DPP10: variants seen among roughly 807,000 people sequenced by gnomAD.
DPP10 encodes the protein inactive dipeptidyl peptidase 10.
Under a neutral mutation model 120.9 loss-of-function variants are expected in DPP10, and 33 were observed. The ratio of observed to expected loss-of-function variants is 0.27; its 90% confidence interval spans 0.21 to 0.37. The LOEUF is 0.37. DPP10 is among the 10% of genes least tolerant of loss of function. The probability of loss-of-function intolerance (pLI) is 1.00; values close to 1 mark genes in which losing one functional copy is unlikely to be tolerated. For synonymous variants in DPP10, 337 were observed against 326.1 expected (o/e 1.03, Z -0.36); for missense variants, 816 against 942.8 (o/e 0.87, Z 1.76).
intron 9 of DPP10, among the ~76,000 whole-genome samples, chr2:115,742,351 C>T (rs1677388092): frequency 1.3e-5 from 2 of 152,158 alleles, no homozygotes; most frequent in African/African-American, 4.8e-5. Context: ...GCTCCATTTA[C>T]TCCTAATGAC....
intron 24 of DPP10, 53 bp from the exon 25 acceptor site, chr2:115,840,697 G>T (rs2150136280): frequency 1.3e-6 from 2 of 1,513,924 alleles, no homozygotes; most frequent in South Asian, 1.1e-5. Context: ...ATATGAAAAA[G>T]TTCTCATACA....
At chr2:115,002,876 A>G (rs940390105) in intron 1 of DPP10, among the ~76,000 whole-genome samples, 6 of 152,018 alleles carry the variant, frequency 3.9e-5, no homozygotes, top group Admixed American at 3.9e-4. Flanking sequence ...TGCTGGTGAT[A>G]TTACAGAGGA....
At chr2:115,344,344 T>C (rs2063607826) in intron 3 of DPP10, among the ~76,000 whole-genome samples, 1 of 152,150 alleles carries the variant, frequency 6.6e-6, no homozygotes. Flanking sequence ...TTACATGACT[T>C]TAAGGATGTA....
At chr2:115,593,850 T>C (rs2082830005) in intron 5 of DPP10, among the ~76,000 whole-genome samples, 2 of 152,212 alleles carry the variant, frequency 1.3e-5, no homozygotes, top group Non-Finnish European at 2.9e-5. Flanking sequence ...GGAATCATTG[T>C]TCATATAGGC....
chr2:115,310,814 C>T (rs1175595935), intron 2 of DPP10, among the ~76,000 whole-genome samples: 1 of 152,164 alleles, frequency 6.6e-6, no homozygotes, highest in Non-Finnish European at 1.5e-5. Context: ...GACATTGCTG[C>T]CTTCTATTGA....
chr2:114,884,353 C>G (rs1392408733), intron 1 of DPP10, among the ~76,000 whole-genome samples: 1 of 152,208 alleles, frequency 6.6e-6, no homozygotes, highest in South Asian at 2.1e-4. Flanking sequence ...ATAGGTCTCA[C>G]TGAGCTAAAA....
chr2:115,113,555 T>C (rs1235572193), intron 1 of DPP10, among the ~76,000 whole-genome samples: 1 of 152,134 alleles, frequency 6.6e-6, no homozygotes, highest in African/African-American at 2.4e-5. Context: ...AGCGTGCAGA[T>C]TGAGTATGCA....
chr2:115,568,755 A>T (rs139847775), intron 5 of DPP10, among the ~76,000 whole-genome samples: 1 of 152,194 alleles, frequency 6.6e-6, no homozygotes, highest in African/African-American at 2.4e-5. Flanking sequence ...CTAAGCTGTC[A>T]GTCAGTGCAG....
Position 115,188,061 on chromosome 2 carries a change from A to AAGAGAG in DPP10, c.61-121159_61-121154dup, listed in dbSNP as rs59672278. The stretch of plus-strand genomic sequence containing the variant: ...AGAGAGAGAGGGAGAGAGAGAGGCA[A>AAGAGAG]AGAGAGAGAGAGAGAGAGAGAGAGC... On this transcript the variant is annotated intron_variant, in intron 1 of 25. Transcript: ENST00000410059. 5.2e-3 allele frequency among the ~76,000 whole-genome samples: 763 copies of AAGAGAG among 147,058 alleles called. 2 individuals are homozygous for AAGAGAG. Among genetic ancestry groups the AAGAGAG allele is most frequent in the East Asian group, 0.027 (135 of 4,930 alleles).
chr2:115,429,038 AAGG>A (rs2070739272), intron 3 of DPP10, among the ~76,000 whole-genome samples: 2 of 152,200 alleles, frequency 1.3e-5, no homozygotes, highest in Admixed American at 1.3e-4. Flanking sequence ...GAAAAGCAAA[AAGG>A]AGTGAAGAAA....
intron 1 of DPP10, among the ~76,000 whole-genome samples, chr2:115,214,359 A>G (rs2056690210): frequency 6.6e-6 from 1 of 152,204 alleles, no homozygotes; most frequent in South Asian, 2.1e-4. Context: ...AAGCTTACCC[A>G]AGAGTGTTAC....
intron 1 of DPP10, among the ~76,000 whole-genome samples, chr2:114,779,198 C>G (rs962577784): frequency 6.6e-6 from 1 of 152,078 alleles, no homozygotes; most frequent in African/African-American, 2.4e-5. Flanking sequence ...CTGGCTTTCT[C>G]TCCTGGATGT....
chr2:114,473,861 T>A lies in DPP10; in HGVS notation c.60+31023T>A, dbSNP rs149539143. ...TATACATATTTGTATATATTTATAC[T>A]TACATACATACATACATACATACAC... On this transcript the variant is annotated intron_variant, in intron 1 of 25. Coordinates refer to ENST00000410059, the MANE Select transcript of DPP10 (RefSeq NM_020868.6). 6.8e-3 allele frequency among the ~76,000 whole-genome samples: 1,036 copies of A among 152,260 alleles called. 8 individuals carry two copies. The highest frequency in any genetic ancestry group is 0.023 in the African/African-American group (976 of 41,534).
intron 1 of DPP10, among the ~76,000 whole-genome samples, chr2:115,299,690 A>G (rs1356344747): frequency 6.6e-6 from 1 of 152,062 alleles, no homozygotes; most frequent in Non-Finnish European, 1.5e-5. Context: ...CGTGAAATAT[A>G]GTTTTGCTTC....
At chr2:115,060,942 C>T (rs543917287) in intron 1 of DPP10, among the ~76,000 whole-genome samples, 1 of 152,304 alleles carries the variant, frequency 6.6e-6, no homozygotes, top group Admixed American at 6.5e-5. Flanking sequence ...TCATACATTT[C>T]ATTGTCTCTC....
At chr2:114,477,626 A>T (rs1680535234) in intron 1 of DPP10, among the ~76,000 whole-genome samples, 1 of 151,394 alleles carries the variant, frequency 6.6e-6, no homozygotes, top group Non-Finnish European at 1.5e-5. Context: ...CCTCTACTAA[A>T]AATACAAAAA....
chr2:115,803,907 T>C (rs921286547), intron 19 of DPP10, among the ~76,000 whole-genome samples: 2 of 152,152 alleles, frequency 1.3e-5, no homozygotes, highest in African/African-American at 4.8e-5. Context: ...CAATTATGTG[T>C]CTTGGAGTTG....
chr2:115,172,311 G>C (rs949339607), intron 1 of DPP10, among the ~76,000 whole-genome samples: 1 of 151,720 alleles, frequency 6.6e-6, no homozygotes, highest in Non-Finnish European at 1.5e-5. Context: ...TTGAACCCGA[G>C]AGGCGGAGCT....
intron 5 of DPP10, among the ~76,000 whole-genome samples, chr2:115,533,318 C>A (rs888635427): frequency 2.0e-5 from 3 of 152,032 alleles, no homozygotes; most frequent in Non-Finnish European, 2.9e-5. Context: ...ACAAATCAAC[C>A]GTAGCTGGGC....
Sources: allele counts gnomAD v4.1 joint callset (sites outside exome capture counted in the v4.1 genomes callset), GRCh38; gene constraint gnomAD v4.1.1; transcripts MANE v1.5; gene names NCBI Gene and HGNC (gene_info 2026-07-23, HGNC 2026-07-21).